The following ABLIM1 variants were observed in gnomAD, a reference collection of about 807,000 sequenced individuals.
ABLIM1 encodes the protein actin binding LIM protein 1.
In ABLIM1, 40 loss-of-function variants were observed where a neutral mutation model predicts 107.0. The ratio of observed to expected loss-of-function variants is 0.37; its 90% CI spans 0.29 to 0.49. The LOEUF is 0.49. Among genes scored for constraint, ABLIM1 ranks in the 20% least tolerant of loss-of-function variants. ABLIM1 has a pLI of 0.97. For synonymous variants in ABLIM1, 357 were observed against 357.3 expected, an observed-to-expected ratio of 1.00 and a Z score of 0.01; for missense variants, 857 against 1,008.5, an observed-to-expected ratio of 0.85 and a Z score of 2.04.
intron 1 of ABLIM1, chr10:114,615,571 G>A (rs780441760): frequency 1.3e-5 from 6 of 470,478 alleles, no homozygotes; most frequent in Non-Finnish European, 2.1e-5. Context: ...GTATTACCAG[G>A]GTCTGGCACC....
chr10:114,681,398 T>A (rs1398335504), intron 1 of ABLIM1, among the ~76,000 whole-genome samples: 1 of 152,142 alleles, frequency 6.6e-6, no homozygotes, highest in African/African-American at 2.4e-5. Context: ...TTTCACCACG[T>A]TGGCCAGTCT....
chr10:114,510,538 T>C (rs964629923), intron 6 of ABLIM1, among the ~76,000 whole-genome samples: 3 of 152,090 alleles, frequency 2.0e-5, no homozygotes, highest in Non-Finnish European at 4.4e-5. Flanking sequence ...CTAATGGGCG[T>C]TGAACACATA....
chr10:114,605,212 A>G (rs2076325269), intron 1 of ABLIM1, among the ~76,000 whole-genome samples: 1 of 152,366 alleles, frequency 6.6e-6, no homozygotes, highest in South Asian at 2.1e-4. Context: ...GTGTCAAGAA[A>G]GGAATATCTC....
chr10:114,655,583 T>C (rs1487424907), intron 1 of ABLIM1, among the ~76,000 whole-genome samples: 1 of 152,232 alleles, frequency 6.6e-6, no homozygotes, highest in African/African-American at 2.4e-5. Flanking sequence ...TTTATTCCTA[T>C]TTGTGGAATA....
At chr10:114,780,188 G>C in the ABLIM1 span, among the ~76,000 whole-genome samples, 42 of 152,174 alleles carry the variant, frequency 2.8e-4, no homozygotes, top group African/African-American at 9.7e-4. Flanking sequence ...TTTGGCCTGA[G>C]TTGCAGAATA....
upstream of ABLIM1, among the ~76,000 whole-genome samples, chr10:114,661,229 C>A (rs74646607): frequency 0.027 from 4,166 of 152,226 alleles, 179 homozygotes; most frequent in African/African-American, 0.088. Flanking sequence ...ATGAGAAAAA[C>A]AAATGGTTGC....
chr10:114,613,136 A>G (rs2076922653), intron 1 of ABLIM1, among the ~76,000 whole-genome samples: 1 of 152,224 alleles, frequency 6.6e-6, no homozygotes, highest in Admixed American at 6.5e-5. Context: ...CAAACTAATG[A>G]AAAAAGCTAA....
chr10:114,536,287 G>A lies in ABLIM1; in HGVS notation c.894+8718C>T, dbSNP rs577396189. Among the ~76,000 whole-genome samples the A allele has an allele frequency of 5.2e-3, 651 of 124,410 alleles. 5 individuals carry two copies. Among genetic ancestry groups the A allele is most frequent in the African/African-American group, 0.013 (402 of 31,608 alleles). The allele number at this position is 124,410 out of a possible 152,430, so 81.6% of individuals were successfully genotyped here. ...TTTGAGATGGAGTCTCACTCTTGTCGCCCAGGCTGGAGTGCAATGGCATGA... is the reference window on the plus strand; with the variant it reads ...TTTGAGATGGAGTCTCACTCTTGTCACCCAGGCTGGAGTGCAATGGCATGA... On this transcript the variant is annotated intron_variant, in intron 6 of 22. Transcript: ENST00000533213.
chr10:114,499,465 G>C (rs1167300157), intron 6 of ABLIM1, among the ~76,000 whole-genome samples: 2 of 152,212 alleles, frequency 1.3e-5, no homozygotes, highest in Non-Finnish European at 2.9e-5. Flanking sequence ...CAGCTCTGGT[G>C]GATGGTGATT....
chr10:114,671,515 T>C (rs1330196572), intron 1 of ABLIM1, among the ~76,000 whole-genome samples: 6 of 152,214 alleles, frequency 3.9e-5, no homozygotes, highest in Non-Finnish European at 7.3e-5. Flanking sequence ...AGAAGATGCA[T>C]GTTTTTCTTC....
intron 1 of ABLIM1, among the ~76,000 whole-genome samples, chr10:114,654,470 T>C (rs994605140): frequency 9.2e-5 from 14 of 152,188 alleles, no homozygotes; most frequent in Admixed American, 6.5e-4. Flanking sequence ...AATTTATTTT[T>C]ATCTTTTTTT....
At chr10:114,452,012 A>G (rs2061992018) in intron 13 of ABLIM1, among the ~76,000 whole-genome samples, 1 of 152,158 alleles carries the variant, frequency 6.6e-6, no homozygotes, top group Non-Finnish European at 1.5e-5. Flanking sequence ...GAAAGACATA[A>G]CCAGCTTGGG....
chr10:114,518,218 A>C (rs2063197579), intron 6 of ABLIM1, among the ~76,000 whole-genome samples: 1 of 152,112 alleles, frequency 6.6e-6, no homozygotes, highest in Non-Finnish European at 1.5e-5. Context: ...TATATGAAAA[A>C]ATTTACATGA....
intron 8 of ABLIM1, among the ~76,000 whole-genome samples, chr10:114,481,935 T>C (rs74158010): frequency 0.025 from 3,749 of 152,314 alleles, 167 homozygotes; most frequent in African/African-American, 0.086. Flanking sequence ...ATACACATGG[T>C]ATTTGTTCGG....
At chr10:114,574,905 CTG>C (rs1250894034) in intron 3 of ABLIM1, among the ~76,000 whole-genome samples, 1 of 152,272 alleles carries the variant, frequency 6.6e-6, no homozygotes, top group Non-Finnish European at 1.5e-5. Context: ...TGACTCAACT[CTG>C]TTGTTGCAGC....
chr10:114,570,093 G>A (rs931354168), intron 4 of ABLIM1, among the ~76,000 whole-genome samples: 2 of 152,144 alleles, frequency 1.3e-5, no homozygotes, highest in African/African-American at 4.8e-5. Flanking sequence ...TACGTATTAA[G>A]ACTCACTTAA....
chr10:114,713,523 G>A (rs529810056), intron 1 of ABLIM1, among the ~76,000 whole-genome samples: 1 of 152,266 alleles, frequency 6.6e-6, no homozygotes, highest in East Asian at 1.9e-4. Context: ...ATCCCTCAGT[G>A]TTTTTCTTAC....
intron 10 of ABLIM1, among the ~76,000 whole-genome samples, chr10:114,470,882 T>C (rs2066400157): frequency 6.6e-6 from 1 of 152,150 alleles, no homozygotes; most frequent in South Asian, 2.1e-4. Context: ...GTTTTTGTTT[T>C]GTTTGCTTTG....
intron 7 of ABLIM1, among the ~76,000 whole-genome samples, chr10:114,490,769 T>C (rs1434336629): frequency 6.6e-6 from 1 of 151,296 alleles, no homozygotes; most frequent in Non-Finnish European, 1.5e-5. Flanking sequence ...TCATAAAAAC[T>C]ATGATCATAT....
Sources: gnomAD v4.1 joint callset for allele counts (sites outside exome capture counted in the v4.1 genomes callset) on GRCh38, gnomAD v4.1.1 for gene constraint, MANE v1.5 for transcripts, NCBI Gene and HGNC (gene_info 2026-07-23, HGNC 2026-07-21) for gene names.